HERC6: variants seen among roughly 807,000 people sequenced by gnomAD.
The protein encoded by HERC6 is probable E3 ubiquitin-protein ligase HERC6.
Under a neutral mutation model 114.5 loss-of-function variants are expected in HERC6, and 101 were observed. The ratio of observed to expected loss-of-function variants is 0.88; its 90% CI spans 0.75 to 1.04. HERC6 has a LOEUF of 1.04. Among genes scored for constraint, HERC6 ranks in the 50% least tolerant of loss-of-function variants. The pLI, the probability that HERC6 is intolerant of heterozygous loss-of-function variation, is 0.00. For synonymous variants in HERC6, 408 were observed against 436.2 expected (o/e 0.94, Z 0.81); for missense variants, 1,133 against 1,230.9 (o/e 0.92, Z 1.19).
intron 14 of HERC6, 109 bp from the exon 15 acceptor site, chr4:88,424,486 C>CA: frequency 1.2e-6 from 1 of 824,918 alleles, no homozygotes; most frequent in African/African-American, 1.8e-5. Flanking sequence ...CTTAAAAAAA[C>CA]AAAGAACCAC....
At chr4:88,389,445 G>C (rs990487418) in intron 3 of HERC6, among the ~76,000 whole-genome samples, 1 of 152,214 alleles carries the variant, frequency 6.6e-6, no homozygotes, top group African/African-American at 2.4e-5. Context: ...GGAGAGAAAA[G>C]TTGGTGACTT....
At chr4:88,389,748 T>C (rs76337973) in intron 3 of HERC6, among the ~76,000 whole-genome samples, 12,107 of 152,124 alleles carry the variant, frequency 0.08, 673 homozygotes, top group East Asian at 0.19. Flanking sequence ...TAAAGATTTG[T>C]AAAATTAAAT....
At chr4:88,391,859 A>G (rs1180643985) in intron 4 of HERC6, among the ~76,000 whole-genome samples, 2 of 152,166 alleles carry the variant, frequency 1.3e-5, no homozygotes, top group Non-Finnish European at 2.9e-5. Flanking sequence ...TGCCAGTCCC[A>G]TGCTGAGCAC....
Position 88,389,235 on chromosome 4 carries a change from G to A in HERC6, c.437-1417G>A, listed in dbSNP as rs182815558. 1.7e-3 allele frequency among the ~76,000 whole-genome samples: 256 copies of A among 152,184 alleles called. 1 individual carries two copies. Among genetic ancestry groups the A allele is most frequent in the African/African-American group, 5.7e-3 (237 of 41,518 alleles). ...GAGTGAGCAGGGGGAGATGAAGTCC[G>A]GGAAGTGGGGGTGGGCCAGACTGGT... On this transcript the variant is annotated intron_variant, in intron 3 of 22. Coordinates refer to ENST00000264346, the MANE Select transcript of HERC6 (RefSeq NM_017912.4).
intron 13 of HERC6, among the ~76,000 whole-genome samples, chr4:88,423,117 C>T (rs566636073): frequency 4.7e-5 from 7 of 149,782 alleles, no homozygotes; most frequent in African/African-American, 1.2e-4. Context: ...TTTTTAAAGA[C>T]GCAGTCTTTT....
At chr4:88,388,865 C>G (rs1401881781) in intron 3 of HERC6, among the ~76,000 whole-genome samples, 2 of 152,276 alleles carry the variant, frequency 1.3e-5, no homozygotes, top group African/African-American at 4.8e-5. Context: ...TGTACAGGTG[C>G]AAATCTCCCA....
At chr4:88,405,521 G>A (rs755935105) in intron 9 of HERC6, 33 bp from the exon 10 acceptor site, 28 of 1,285,464 alleles carry the variant, frequency 2.2e-5, no homozygotes, top group Non-Finnish European at 3.0e-5. Flanking sequence ...TTTATTATAT[G>A]TTGTGACTTA....
chr4:88,437,823 A>G (rs1218593039), intron 20 of HERC6, 42 bp downstream of exon 20: 7 of 1,261,640 alleles, frequency 5.5e-6, no homozygotes, highest in Non-Finnish European at 8.0e-6. Flanking sequence ...AATATACTGT[A>G]CATAAAATGT....
chr4:88,395,473 T>C (rs975347921), intron 5 of HERC6, among the ~76,000 whole-genome samples: 1 of 152,232 alleles, frequency 6.6e-6, no homozygotes, highest in Non-Finnish European at 1.5e-5. Flanking sequence ...TATACAATAT[T>C]ATGTTTTAAT....
In HERC6 at chr4:88,435,705, A is replaced by AT. The variant is rs763196402; in HGVS notation, c.2251-13dup. 1.4e-6 allele frequency: 2 copies of AT among 1,431,156 alleles called. No homozygotes were observed. The highest frequency in any genetic ancestry group is 1.8e-6 in the Non-Finnish European group (2 of 1,082,174). The allele number at this position is 1,431,156 out of a possible 1,614,324, so 88.7% of individuals were successfully genotyped here. ...ACTAATTATTTATAATACCTTAGGG[A>AT]TTTTTTTCTTCTTTTCTAGCCTAAA... On this transcript the variant is annotated intron_variant, in intron 17 of 22. Coordinates refer to ENST00000264346, the MANE Select transcript of HERC6 (RefSeq NM_017912.4).
Position 88,417,469 on chromosome 4 carries a change from A to C in HERC6, c.1603A>C (p.Ile535Leu), listed in dbSNP as rs764425265. The C allele has an allele frequency of 1.2e-6, 2 of 1,611,434 alleles. No individual in the cohort carries two copies. The highest frequency in any genetic ancestry group is 2.7e-5 in the African/African-American group (2 of 75,020). Residue 535 changes from isoleucine (I) to leucine (L), a missense_variant, in exon 13 of 23, where the codon ATC becomes CTC. Transcript: ENST00000264346. ...GCAAGAATCTTCTCTGAATCCGCTGATCCAGATGCTTAAAGCAGCCATCAT... is the reference window on the plus strand; with the variant it reads ...GCAAGAATCTTCTCTGAATCCGCTGCTCCAGATGCTTAAAGCAGCCATCAT... Reference protein sequence around the residue: ...FLQESSLNPLIQMLKAAIISQ... With the variant: ...FLQESSLNPLLQMLKAAIISQ...
chr4:88,435,641 C>T (rs1172196688), intron 17 of HERC6, 84 bp from the exon 18 acceptor site: 6 of 963,384 alleles, frequency 6.2e-6, no homozygotes, highest in South Asian at 4.3e-5. Flanking sequence ...GAAAAGGGAA[C>T]CACATTTTTT....
intron 13 of HERC6, among the ~76,000 whole-genome samples, chr4:88,420,591 G>A (rs528040022): frequency 2.0e-5 from 3 of 152,150 alleles, no homozygotes; most frequent in South Asian, 4.2e-4. Flanking sequence ...ATGAGTACTT[G>A]ATATTTTATG....
intron 20 of HERC6, 27 bp from the exon 21 acceptor site, chr4:88,439,847 T>C (rs771793551): frequency 1.8e-5 from 19 of 1,073,728 alleles, no homozygotes; most frequent in Middle Eastern, 2.5e-4. Context: ...CCTTTCTTTT[T>C]TTTTTTTTTT....
intron 3 of HERC6, among the ~76,000 whole-genome samples, chr4:88,386,602 C>CAA (rs550819808): frequency 6.6e-6 from 1 of 151,726 alleles, no homozygotes; most frequent in Non-Finnish European, 1.5e-5. Context: ...ACTGTTTTAA[C>CAA]AAAAAAAGGG....
At chr4:88,430,500 G>A (rs1292633145) in intron 16 of HERC6, among the ~76,000 whole-genome samples, 1 of 151,882 alleles carries the variant, frequency 6.6e-6, no homozygotes, top group African/African-American at 2.4e-5. Flanking sequence ...AACCCAGGAG[G>A]TGGAGATTGC....
chr4:88,387,730 T>C (rs1437483898), intron 3 of HERC6, among the ~76,000 whole-genome samples: 1 of 152,240 alleles, frequency 6.6e-6, no homozygotes, highest in Non-Finnish European at 1.5e-5. Flanking sequence ...TTGAAGGTTA[T>C]TTAGAAGATT....
chr4:88,417,640 C>A, intron 13 of HERC6, 61 bp downstream of exon 13: 1 of 1,407,978 alleles, frequency 7.1e-7, no homozygotes, highest in Non-Finnish European at 9.7e-7. Context: ...CCTTAAGTCT[C>A]AACCAGTTGG....
At chr4:88,388,742 G>C (rs987203499) in intron 3 of HERC6, among the ~76,000 whole-genome samples, 2 of 152,222 alleles carry the variant, frequency 1.3e-5, no homozygotes, top group Admixed American at 1.3e-4. Flanking sequence ...AAAGAGAATA[G>C]ATGGTGAATG....
Sources: gnomAD v4.1 joint callset for allele counts (sites outside exome capture counted in the v4.1 genomes callset) on GRCh38, gnomAD v4.1.1 for gene constraint, MANE v1.5 for transcripts, NCBI Gene and HGNC (gene_info 2026-07-23, HGNC 2026-07-21) for gene names.